Variants in SEMA3A observed in about 807,000 individuals in gnomAD.
The protein encoded by SEMA3A is semaphorin 3A, also known as semaphorin-3A.
Under a neutral mutation model 97.9 loss-of-function variants are expected in SEMA3A, and 29 were observed. The observed-to-expected ratio is 0.30, with a 90% confidence interval of 0.22 to 0.40. SEMA3A has a LOEUF of 0.40. SEMA3A is among the 10% of genes least tolerant of loss of function. The probability of loss-of-function intolerance (pLI) is 1.00; values close to 1 mark genes in which losing one functional copy is unlikely to be tolerated. For synonymous variants in SEMA3A, 321 were observed against 323.7 expected (o/e 0.99, Z 0.09); for missense variants, 763 against 951.3 (o/e 0.80, Z 2.60).
chr7:84,123,620 C>T (rs1039094489), intron 3 of SEMA3A, among the ~76,000 whole-genome samples: 17 of 150,240 alleles, frequency 1.1e-4, no homozygotes, highest in Non-Finnish European at 2.4e-4. Context: ...CGCAGGCACA[C>T]ACACACACTC....
intron 4 of SEMA3A, among the ~76,000 whole-genome samples, chr7:84,088,804 A>G (rs1794471660): frequency 6.6e-6 from 1 of 152,134 alleles, no homozygotes; most frequent in Admixed American, 6.6e-5. Context: ...ATAGGGTGCA[A>G]TTTGATCTAG....
intron 12 of SEMA3A, among the ~76,000 whole-genome samples, chr7:83,997,881 C>T (rs1015475983): frequency 2.0e-5 from 3 of 151,754 alleles, no homozygotes; most frequent in African/African-American, 7.3e-5. Flanking sequence ...GGATTACAGG[C>T]ACCTGCCACT....
At chr7:84,038,482 C>T (rs1209452942) in intron 6 of SEMA3A, among the ~76,000 whole-genome samples, 1 of 151,918 alleles carries the variant, frequency 6.6e-6, no homozygotes, top group East Asian at 1.9e-4. Context: ...ATTCTCGTAA[C>T]AACCAAATGA....
intron 1 of SEMA3A, among the ~76,000 whole-genome samples, chr7:84,380,914 A>G (rs563669331): frequency 4.9e-4 from 74 of 152,304 alleles, no homozygotes; most frequent in Non-Finnish European, 8.5e-4. Context: ...AACTCATGCA[A>G]TTAGACAGGC....
At chr7:84,063,101 G>A (rs577033679) in intron 4 of SEMA3A, among the ~76,000 whole-genome samples, 2 of 151,968 alleles carry the variant, frequency 1.3e-5, no homozygotes, top group Non-Finnish European at 2.9e-5. Context: ...CCTCAAGTGG[G>A]TCCCTGACCC....
In SEMA3A at chr7:84,343,565, C is replaced by T. The variant is rs566818316; in HGVS notation, c.-169+28259G>A. On this transcript the variant is annotated intron_variant, in intron 2 of 3. Transcript: ENST00000424555. ...ATCCTACTTCAAATTCTGCCAAATG[C>T]TGACTCTCTAAGGGAAATGTGTCTG... Among the ~76,000 whole-genome samples the T allele has an allele frequency of 9.2e-5, 14 of 152,270 alleles. No homozygotes were observed. In the East Asian group the frequency reaches 2.7e-3, roughly 29 times the overall value.
intron 12 of SEMA3A, among the ~76,000 whole-genome samples, chr7:83,988,383 C>T (rs1406847294): frequency 1.3e-5 from 2 of 152,102 alleles, no homozygotes; most frequent in Admixed American, 1.3e-4. Flanking sequence ...CCCACCACCA[C>T]GACTGGCTAA....
intron 3 of SEMA3A, among the ~76,000 whole-genome samples, chr7:84,255,220 A>G (rs1584173064): frequency 6.6e-6 from 1 of 152,188 alleles, no homozygotes; most frequent in East Asian, 1.9e-4. Context: ...TTTATTGAGC[A>G]CTGATCACAA....
intron 1 of SEMA3A, among the ~76,000 whole-genome samples, chr7:84,435,917 C>T (rs188287320): frequency 6.6e-6 from 1 of 152,060 alleles, no homozygotes. Flanking sequence ...ATCACATTAC[C>T]CTACTTTAAA....
chr7:84,156,708 T>A (rs1203863101), intron 1 of SEMA3A, among the ~76,000 whole-genome samples: 1 of 152,190 alleles, frequency 6.6e-6, no homozygotes, highest in Non-Finnish European at 1.5e-5. Flanking sequence ...CTATGTTTTT[T>A]TACCAGCTGT....
intron 3 of SEMA3A, among the ~76,000 whole-genome samples, chr7:84,282,370 C>G (rs917834604): frequency 2.6e-5 from 4 of 152,258 alleles, no homozygotes; most frequent in Admixed American, 2.6e-4. Context: ...CCTCCAAAAG[C>G]TTTGTAAATA....
intron 1 of SEMA3A, among the ~76,000 whole-genome samples, chr7:84,155,381 T>G (rs888619710): frequency 1.3e-5 from 2 of 152,274 alleles, no homozygotes; most frequent in South Asian, 4.1e-4. Flanking sequence ...TCAAACTCTA[T>G]ACTTTACTAG....
rs1260330277 is a variant in SEMA3A at position 83,959,464 on chromosome 7, G to A, written c.*1907C>T. 1 of 151,992 alleles carries A rather than the reference G, an allele frequency of 6.6e-6. No homozygotes were observed. Among genetic ancestry groups the A allele is most frequent in the Non-Finnish European group, 1.5e-5 (1 of 67,920 alleles). 9.4% of individuals were successfully genotyped at this position (151,992 alleles called of 1,614,324 possible). ...TTTGGCTTCCATGTGAGGATATACA[G>A]TACTTCCAAAAGCAACACCATATTA... On this transcript the variant is annotated 3_prime_UTR_variant, in exon 17 of 17. Coordinates refer to ENST00000265362, the MANE Select transcript of SEMA3A (RefSeq NM_006080.3).
At chr7:84,436,758 T>C (rs1019313541) in intron 1 of SEMA3A, among the ~76,000 whole-genome samples, 2 of 152,150 alleles carry the variant, frequency 1.3e-5, no homozygotes, top group Admixed American at 6.5e-5. Flanking sequence ...TGAACATAGA[T>C]TGCTTGTAGA....
At chr7:84,067,660 A>G (rs992375621) in intron 4 of SEMA3A, among the ~76,000 whole-genome samples, 2 of 152,206 alleles carry the variant, frequency 1.3e-5, no homozygotes, top group Admixed American at 1.3e-4. Context: ...CAGCCAAAAA[A>G]CACATGAAAA....
At chr7:84,134,359 CTT>C (rs1477258773) in intron 2 of SEMA3A, among the ~76,000 whole-genome samples, 1 of 152,150 alleles carries the variant, frequency 6.6e-6, no homozygotes, top group Admixed American at 6.5e-5. Context: ...TTCAATAAAA[CTT>C]TATTTACAAA....
intron 1 of SEMA3A, among the ~76,000 whole-genome samples, chr7:84,145,029 A>G (rs954025163): frequency 6.6e-6 from 1 of 152,174 alleles, no homozygotes; most frequent in Non-Finnish European, 1.5e-5. Flanking sequence ...TTTTATTTAC[A>G]TACACACACA....
At chr7:83,988,427 C>T (rs10257952) in intron 12 of SEMA3A, among the ~76,000 whole-genome samples, 119 of 152,052 alleles carry the variant, frequency 7.8e-4, no homozygotes, top group African/African-American at 2.8e-3. Context: ...TGGGGTTTCA[C>T]CATGTGTTAG....
chr7:84,325,271 G>A (rs1439818337), intron 2 of SEMA3A, among the ~76,000 whole-genome samples: 1 of 151,972 alleles, frequency 6.6e-6, no homozygotes, highest in Non-Finnish European at 1.5e-5. Context: ...TAACATTCAA[G>A]TGAAAAGAAA....
Sources: gnomAD v4.1 joint callset for allele counts (sites outside exome capture counted in the v4.1 genomes callset) on GRCh38, gnomAD v4.1.1 for gene constraint, MANE v1.5 for transcripts, NCBI Gene and HGNC (gene_info 2026-07-23, HGNC 2026-07-21) for gene names.